Variants in PRKAG2 observed in about 807,000 individuals in gnomAD.
The protein encoded by PRKAG2 is 5'-AMP-activated protein kinase subunit gamma-2.
In PRKAG2, 26 loss-of-function variants were observed where a neutral mutation model predicts 69.6. The observed-to-expected ratio is 0.37, with a 90% CI of 0.27 to 0.52. PRKAG2 has a LOEUF of 0.52. Among genes scored for constraint, PRKAG2 ranks in the 20% least tolerant of loss-of-function variants. The pLI is 0.90. For missense variants in PRKAG2, 557 were observed against 740.0 expected, an observed-to-expected ratio of 0.75 and a Z score of 2.87; for synonymous variants, 293 against 285.0, an observed-to-expected ratio of 1.03 and a Z score of -0.28.
intron 4 of PRKAG2, among the ~76,000 whole-genome samples, chr7:151,668,705 C>T (rs1831394360): frequency 6.6e-6 from 1 of 152,236 alleles, no homozygotes; most frequent in South Asian, 2.1e-4. Context: ...ATTTACAGCA[C>T]CAATCTCCTC....
intron 4 of PRKAG2, among the ~76,000 whole-genome samples, chr7:151,654,869 T>C (rs1167239860): frequency 6.6e-6 from 1 of 152,210 alleles, no homozygotes; most frequent in Non-Finnish European, 1.5e-5. Flanking sequence ...ATTTTTGTAT[T>C]TTTAGTAGCA....
Position 151,839,012 on chromosome 7 carries a change from CAA to C in PRKAG2, c.114+37493_114+37494del, listed in dbSNP as rs749220807. ...GCTGGGCAACAGAGTGAGACTGTCT[CAA>C]AAAAAAAAAAAAAAAAATAGAAAAG... On this transcript the variant is annotated intron_variant, in intron 1 of 15. Transcript: ENST00000287878. Among the ~76,000 whole-genome samples, 733 of 80,026 alleles carry C rather than the reference CAA, an allele frequency of 9.2e-3. 3 individuals are homozygous for C. Among genetic ancestry groups the C allele is most frequent in the African/African-American group, 0.025 (629 of 25,454 alleles). 52.5% of individuals were successfully genotyped at this position (80,026 alleles called of 152,430 possible). A position where few individuals can be genotyped will look rare whatever the true frequency, so the allele number is the denominator to read the frequency against.
chr7:151,618,351 C>T (rs1220517112), intron 5 of PRKAG2, among the ~76,000 whole-genome samples: 2 of 150,352 alleles, frequency 1.3e-5, no homozygotes, highest in Non-Finnish European at 3.0e-5. Flanking sequence ...TACTCAGGAG[C>T]CTGAGGCAGG....
chr7:151,860,185 C>A (rs1246457187), intron 1 of PRKAG2, among the ~76,000 whole-genome samples: 2 of 152,212 alleles, frequency 1.3e-5, no homozygotes, highest in Non-Finnish European at 2.9e-5. Flanking sequence ...ATATGCCCAG[C>A]CACTGCCCCT....
intron 1 of PRKAG2, among the ~76,000 whole-genome samples, chr7:151,797,350 G>A (rs773134241): frequency 6.6e-6 from 1 of 151,814 alleles, no homozygotes; most frequent in Non-Finnish European, 1.5e-5. Flanking sequence ...TGGGCACCCT[G>A]GGGACATTTT....
chr7:151,782,424 G>A lies in PRKAG2; in HGVS notation c.187-993C>T, dbSNP rs549230377. 2.2e-3 allele frequency among the ~76,000 whole-genome samples: 287 copies of A among 127,946 alleles called. 4 individuals are homozygous for A. In the South Asian group the frequency reaches 0.027, roughly 12 times the overall value. 83.9% of individuals were successfully genotyped at this position (127,946 alleles called of 152,430 possible). ...AGGAAGGAAGGAAGGAAGGAAGGAA[G>A]GAAAGAAAGAAGGAAAGAAGGAAGT... On this transcript the variant is annotated intron_variant, in intron 2 of 15. Coordinates refer to ENST00000287878, the MANE Select transcript of PRKAG2 (RefSeq NM_016203.4).
Position 151,814,645 on chromosome 7 carries a change from T to A in PRKAG2, c.115-28104A>T, listed in dbSNP as rs751071862. The stretch of plus-strand genomic sequence containing the variant: ...CTCCGAGCTGCTGCCACTGCATGTC[T>A]GCAACAGATGGGGACCGGGGCTGGG... On this transcript the variant is annotated intron_variant, in intron 1 of 15. Coordinates refer to ENST00000287878, the MANE Select transcript of PRKAG2 (RefSeq NM_016203.4). The surrounding 1 kb of genome is among the most constrained non-coding windows in gnomAD (Gnocchi z 4.8). The A allele has an allele frequency of 7.3e-6, 9 of 1,231,818 alleles. No individual in the cohort carries two copies. Among genetic ancestry groups the A allele is most frequent in the Non-Finnish European group, 9.1e-6 (9 of 988,008 alleles). The allele number at this position is 1,231,818 out of a possible 1,614,324, so 76.3% of individuals were successfully genotyped here.
Position 151,702,480 on chromosome 7 carries a change from G to A in PRKAG2, c.467-26843C>T, listed in dbSNP as rs1040888142. Among the ~76,000 whole-genome samples, 8 of 152,268 alleles carry A rather than the reference G, an allele frequency of 5.3e-5. No homozygotes were observed. The South Asian group carries it at 6.2e-4, about 12-fold the overall frequency. On this transcript the variant is annotated intron_variant, in intron 3 of 15. Coordinates refer to ENST00000287878, the MANE Select transcript of PRKAG2 (RefSeq NM_016203.4). Reference sequence around the variant, plus strand: ...TCCCACCCACAGAGGGAGCCCCCACGGCAGTCTTGCCAGGTCCCTGCCCAC... The same window carrying A: ...TCCCACCCACAGAGGGAGCCCCCACAGCAGTCTTGCCAGGTCCCTGCCCAC...
intron 5 of PRKAG2, among the ~76,000 whole-genome samples, chr7:151,604,876 G>T (rs753884866): frequency 8.5e-5 from 13 of 152,136 alleles, no homozygotes; most frequent in Non-Finnish European, 1.5e-4. Flanking sequence ...CACTTTGGAG[G>T]ATGCCCATTG....
intron 5 of PRKAG2, among the ~76,000 whole-genome samples, chr7:151,597,053 A>G (rs1032399728): frequency 6.6e-6 from 1 of 152,214 alleles, no homozygotes; most frequent in Non-Finnish European, 1.5e-5. Context: ...TAATAACCAA[A>G]ACAGCATGAA....
intron 6 of PRKAG2, 69 bp from the exon 7 acceptor site, chr7:151,576,521 G>A (rs1808971898): frequency 1.2e-5 from 16 of 1,357,190 alleles, no homozygotes; most frequent in Non-Finnish European, 1.7e-5. Context: ...TTTTTTTTGA[G>A]ACAAGGTTTC....
At chr7:151,682,595 T>C (rs890663295) in intron 3 of PRKAG2, among the ~76,000 whole-genome samples, 4 of 152,146 alleles carry the variant, frequency 2.6e-5, no homozygotes, top group Non-Finnish European at 5.9e-5. Flanking sequence ...ACTGCTGAAC[T>C]CAACCTTGGG....
At chr7:151,840,789 G>A (rs1389712992) in intron 1 of PRKAG2, among the ~76,000 whole-genome samples, 1 of 152,234 alleles carries the variant, frequency 6.6e-6, no homozygotes, top group East Asian at 1.9e-4. Flanking sequence ...GCGAGGAGCT[G>A]CCCACCCGAG....
chr7:151,624,181 T>TATA (rs58731772), intron 5 of PRKAG2, among the ~76,000 whole-genome samples: 13,275 of 148,614 alleles, frequency 0.089, 843 homozygotes, highest in Non-Finnish European at 0.13. Flanking sequence ...TATATATATA[T>TATA]TTTTTTTTTC....
intron 10 of PRKAG2, among the ~76,000 whole-genome samples, chr7:151,569,497 G>C (rs991278255): frequency 6.6e-6 from 1 of 152,238 alleles, no homozygotes; most frequent in South Asian, 2.1e-4. Context: ...GCTCTACCCC[G>C]GGCCGGCCCG....
intron 3 of PRKAG2, among the ~76,000 whole-genome samples, chr7:151,768,648 G>C (rs1353852270): frequency 1.3e-5 from 2 of 152,152 alleles, no homozygotes; most frequent in African/African-American, 4.8e-5. Flanking sequence ...TATATTTTTA[G>C]TAGAGACAGG....
chr7:151,775,289 GGGA>G (rs2151790441), intron 3 of PRKAG2, among the ~76,000 whole-genome samples: 1 of 152,040 alleles, frequency 6.6e-6, no homozygotes, highest in South Asian at 2.1e-4. Flanking sequence ...GATTGATTCA[GGGA>G]TCCTAACTGG....
chr7:151,781,539 A>C lies in PRKAG2; in HGVS notation c.187-108T>G. 7.4e-7 allele frequency: 1 copy of C among 1,352,192 alleles called. No individual in the cohort carries two copies. 83.8% of individuals were successfully genotyped at this position (1,352,192 alleles called of 1,614,324 possible). Reference sequence around the variant, plus strand: ...CCTCTCTCACATGCGGGCCCCCCATAGTACCCTCCCAGAGAAACAGCCCTA... The same window carrying C: ...CCTCTCTCACATGCGGGCCCCCCATCGTACCCTCCCAGAGAAACAGCCCTA... On this transcript the variant is annotated intron_variant, in intron 2 of 15. Coordinates refer to ENST00000287878, the MANE Select transcript of PRKAG2 (RefSeq NM_016203.4). The surrounding 1 kb of genome is among the most constrained non-coding windows in gnomAD (Gnocchi z 6.1).
intron 5 of PRKAG2, among the ~76,000 whole-genome samples, chr7:151,607,711 G>A (rs1347841624): frequency 6.6e-6 from 1 of 152,152 alleles, no homozygotes; most frequent in African/African-American, 2.4e-5. Flanking sequence ...CCTTTTCAAA[G>A]GAAGGGTTTG....
Sources: allele counts gnomAD v4.1 joint callset (sites outside exome capture counted in the v4.1 genomes callset), GRCh38; gene constraint gnomAD v4.1.1; non-coding constraint Gnocchi (gnomAD v3.1); transcripts MANE v1.5; gene names NCBI Gene and HGNC (gene_info 2026-07-23, HGNC 2026-07-21).